The following ZNF536 variants were observed in gnomAD, a reference collection of about 807,000 sequenced individuals.
ZNF536 encodes the protein zinc finger protein 536.
ZNF536 carries 13 observed loss-of-function variants against 84.5 expected under a neutral mutation model. That is an observed-to-expected ratio of 0.15 (90% CI 0.10 to 0.24). ZNF536 has a LOEUF of 0.24. Ranked by LOEUF, ZNF536 falls within the 10% of genes least tolerant of loss-of-function variation. ZNF536 has a pLI of 1.00. For missense variants in ZNF536, 1,536 were observed against 1,747.5 expected (o/e 0.88, Z 2.16); for synonymous variants, 811 against 742.5 (o/e 1.09, Z -1.50).
At chr19:30,539,282 T>C (rs8104557) in intron 3 of ZNF536, among the ~76,000 whole-genome samples, 29,203 of 151,912 alleles carry the variant, frequency 0.19, 3,134 homozygotes, top group African/African-American at 0.26. Context: ...AGAATGCAGA[T>C]CAATGTCCCA....
intron 2 of ZNF536, among the ~76,000 whole-genome samples, chr19:30,523,862 G>T (rs543714294): frequency 6.6e-6 from 1 of 152,188 alleles, no homozygotes; most frequent in Non-Finnish European, 1.5e-5. Context: ...GGCTAAGGAG[G>T]CATCCCAGCC....
chr19:30,304,477 C>T (rs926086027), intron 2 of ZNF536, among the ~76,000 whole-genome samples: 2 of 152,222 alleles, frequency 1.3e-5, no homozygotes, highest in Admixed American at 6.5e-5. Flanking sequence ...GAGCTAGAAT[C>T]CAACTTCCTG....
intron 2 of ZNF536, among the ~76,000 whole-genome samples, chr19:30,479,942 C>T (rs1414175184): frequency 1.3e-5 from 2 of 152,204 alleles, no homozygotes; most frequent in Admixed American, 1.3e-4. Flanking sequence ...CCCCAGCCTT[C>T]AGGGCTGGTT....
intron 1 of ZNF536, among the ~76,000 whole-genome samples, chr19:30,248,967 G>A (rs1045684103): frequency 6.6e-6 from 1 of 152,142 alleles, no homozygotes; most frequent in African/African-American, 2.4e-5. Flanking sequence ...GCCAAACGGG[G>A]GTTTAACCTC....
At chr19:30,411,997 A>G (rs923490123) in intron 1 of ZNF536, among the ~76,000 whole-genome samples, 10 of 151,804 alleles carry the variant, frequency 6.6e-5, no homozygotes, top group Non-Finnish European at 1.2e-4. Context: ...ATGTCTTATT[A>G]TATTTATTCT....
upstream of ZNF536, among the ~76,000 whole-genome samples, chr19:30,226,044 G>A (rs1022824284): frequency 1.3e-5 from 2 of 151,958 alleles, no homozygotes; most frequent in Non-Finnish European, 2.9e-5. This position sits in a 1 kb window ranked among gnomAD's most constrained non-coding sequence, Gnocchi z 4.6. Flanking sequence ...CGCCTGGGCC[G>A]CCGCCTCCCC....
intron 1 of ZNF536, among the ~76,000 whole-genome samples, chr19:30,664,288 A>C (rs2050240885): frequency 7.5e-6 from 1 of 133,172 alleles, no homozygotes. Context: ...CTCTCTCAGC[A>C]GCTGCTAGAA....
chr19:30,386,855 A>G (rs955019868), intron 1 of ZNF536, among the ~76,000 whole-genome samples: 9 of 152,274 alleles, frequency 5.9e-5, no homozygotes, highest in Admixed American at 2.0e-4. Context: ...TGCGTTTCAC[A>G]GAACACTTCT....
exon 2 of ZNF536, chr19:30,712,428 TAAAA>T (rs36076926): frequency 7.0e-6 from 1 of 141,970 alleles, no homozygotes; most frequent in African/African-American, 2.6e-5. Context: ...CATTCAGACT[TAAAA>T]AAAAAAAAAA....
At chr19:30,569,525 G>A (rs1304356699) in intron 1 of ZNF536, among the ~76,000 whole-genome samples, 1 of 148,562 alleles carries the variant, frequency 6.7e-6, no homozygotes, top group Non-Finnish European at 1.5e-5. Flanking sequence ...CCTCCTCAGG[G>A]AGCTTGAGAT....
At chr19:30,415,603 C>CATG (rs1216828840) in intron 1 of ZNF536, among the ~76,000 whole-genome samples, 1 of 151,392 alleles carries the variant, frequency 6.6e-6, no homozygotes, top group East Asian at 2.0e-4. Context: ...TCGTCATCAT[C>CATG]ATCATCATCA....
At chr19:30,669,559 C>T (rs961690887) in intron 1 of ZNF536, among the ~76,000 whole-genome samples, 4 of 152,178 alleles carry the variant, frequency 2.6e-5, no homozygotes, top group Non-Finnish European at 5.9e-5. Context: ...TCCTCAGCCC[C>T]GGAGAATCCC....
At chr19:30,243,958 A>T (rs2024105201) in intron 1 of ZNF536, among the ~76,000 whole-genome samples, 1 of 152,176 alleles carries the variant, frequency 6.6e-6, no homozygotes, top group South Asian at 2.1e-4. Flanking sequence ...GTTCAGCACA[A>T]TCCTATATAC....
rs11880135 is a variant in ZNF536, at chr19:30,674,925, C to T, written c.170-35832C>T. ...CTGCTTGAACAGGTCACGTGGGCATCGGGCTGGGCTCCACTGCTTACCTGC... is the reference window on the plus strand; with the variant it reads ...CTGCTTGAACAGGTCACGTGGGCATTGGGCTGGGCTCCACTGCTTACCTGC... On this transcript the variant is annotated intron_variant, in intron 1 of 1. Transcript: ENST00000592773. Among the ~76,000 whole-genome samples the T allele has an allele frequency of 4.9e-3, 742 of 152,234 alleles. 8 individuals carry two copies. The highest frequency in any genetic ancestry group is 0.017 in the African/African-American group (708 of 41,530).
At chr19:30,670,702 C>T (rs573544476) in intron 1 of ZNF536, among the ~76,000 whole-genome samples, 7 of 152,322 alleles carry the variant, frequency 4.6e-5, no homozygotes, top group African/African-American at 1.7e-4. Flanking sequence ...GCCTTCCTTC[C>T]CCAGAGACGC....
chr19:30,540,761 A>G (rs2045297604), intron 3 of ZNF536, among the ~76,000 whole-genome samples: 1 of 152,242 alleles, frequency 6.6e-6, no homozygotes, highest in Admixed American at 6.5e-5. Context: ...GAATTAATGC[A>G]ACATTTCTTT....
Position 30,549,390 on chromosome 19 carries a change from C to T in ZNF536, c.3771C>T (p.Ser1257=), listed in dbSNP as rs2146254475. The change falls in exon 4 of 5, where the codon AGC becomes AGT. Residue 1257 remains serine, a synonymous_variant. Transcript: ENST00000355537. The part of the protein sequence containing the change: ...GLPKPERGPQ[S]LDKPMNMLSV... The stretch of plus-strand genomic sequence containing the variant: ...CAAAGCCGGAGCGGGGGCCCCAGAG[C>T]CTGGACAAGCCGATGAACATGCTGT... 1 of 1,594,990 alleles carries T rather than the reference C, an allele frequency of 6.3e-7. No homozygotes were observed. Among genetic ancestry groups the T allele is most frequent in the Non-Finnish European group, 8.5e-7 (1 of 1,170,310 alleles).
At chr19:30,694,163 C>T (rs2051552261) in intron 1 of ZNF536, among the ~76,000 whole-genome samples, 1 of 152,168 alleles carries the variant, frequency 6.6e-6, no homozygotes, top group Non-Finnish European at 1.5e-5. Context: ...TTCCTGGTGC[C>T]ATACAGAGCA....
At chr19:30,356,191 C>A (rs1173645557) in intron 3 of ZNF536, among the ~76,000 whole-genome samples, 1 of 152,224 alleles carries the variant, frequency 6.6e-6, no homozygotes, top group East Asian at 1.9e-4. Flanking sequence ...GGTTGTCCAG[C>A]CTTCTATAGC....
Sources: gnomAD v4.1 joint callset for allele counts (sites outside exome capture counted in the v4.1 genomes callset) on GRCh38, gnomAD v4.1.1 for gene constraint, Gnocchi (gnomAD v3.1) non-coding constraint, MANE v1.5 for transcripts, NCBI Gene and HGNC (gene_info 2026-07-23, HGNC 2026-07-21) for gene names.